Variants in TMTC2 observed in about 807,000 individuals in gnomAD.
TMTC2 encodes protein O-mannosyl-transferase TMTC2.
In TMTC2, 43 loss-of-function variants were observed where a neutral mutation model predicts 82.4. The observed-to-expected ratio is 0.52, with a 90% CI of 0.41 to 0.67. The LOEUF (loss-of-function observed/expected upper bound fraction) is 0.67. Among genes scored for constraint, TMTC2 ranks in the 30% least tolerant of loss-of-function variants. The pLI is 0.00. For missense variants in TMTC2, 919 were observed against 1,012.4 expected, an observed-to-expected ratio of 0.91 and a Z score of 1.25; for synonymous variants, 408 against 381.9, an observed-to-expected ratio of 1.07 and a Z score of -0.80.
At position 82,818,780 on chromosome 12, in the gene TMTC2, G is replaced by A. The variant is rs549684916; in HGVS notation, c.84-38230G>A. On this transcript the variant is annotated intron_variant, in intron 1 of 11. Transcript: ENST00000321196. The stretch of plus-strand genomic sequence containing the variant: ...TTTATGTTGACATGGGGCTTGTTCT[G>A]GAAACAGATCTGTTTTGAACCTTAT... 8.5e-5 allele frequency among the ~76,000 whole-genome samples: 13 copies of A among 152,102 alleles called. No individual in the cohort carries two copies. The East Asian group carries it at 2.5e-3, about 29-fold the overall frequency.
intron 4 of TMTC2, among the ~76,000 whole-genome samples, chr12:82,930,854 G>A (rs1875990194): frequency 6.6e-6 from 1 of 152,050 alleles, no homozygotes; most frequent in Non-Finnish European, 1.5e-5. Context: ...ACTTAGATGA[G>A]TTCATAAAAT....
chr12:82,732,348 GT>G (rs910227504), intron 1 of TMTC2, among the ~76,000 whole-genome samples: 14 of 147,656 alleles, frequency 9.5e-5, no homozygotes, highest in East Asian at 2.0e-4. Flanking sequence ...TTCTCATCAT[GT>G]TTTTTTTTTA....
chr12:82,805,009 C>A (rs1879177261), intron 1 of TMTC2, among the ~76,000 whole-genome samples: 1 of 152,086 alleles, frequency 6.6e-6, no homozygotes, highest in Non-Finnish European at 1.5e-5. Flanking sequence ...TGAGAGTACA[C>A]CAAACAAAGG....
chr12:82,894,119 C>T (rs536803053), intron 2 of TMTC2, among the ~76,000 whole-genome samples: 111 of 152,162 alleles, frequency 7.3e-4, no homozygotes, highest in African/African-American at 2.5e-3. Context: ...GTTTTATTTC[C>T]GTTGGGGAAG....
intron 9 of TMTC2, among the ~76,000 whole-genome samples, chr12:83,045,739 A>G (rs998648594): frequency 2.0e-5 from 3 of 151,318 alleles, no homozygotes; most frequent in Admixed American, 1.3e-4. Context: ...ACACACACAC[A>G]CACACACACA....
chr12:82,928,343 G>A (rs34347089), intron 3 of TMTC2, among the ~76,000 whole-genome samples: 8,371 of 152,092 alleles, frequency 0.055, 321 homozygotes, highest in Non-Finnish European at 0.082. Context: ...TAAAAATTGC[G>A]TAATTATTAG....
intron 1 of TMTC2, among the ~76,000 whole-genome samples, chr12:82,702,423 T>G (rs1873130314): frequency 6.6e-6 from 1 of 152,190 alleles, no homozygotes; most frequent in African/African-American, 2.4e-5. Flanking sequence ...TTTAGACTGT[T>G]CAGGTGAAAA....
intron 2 of TMTC2, among the ~76,000 whole-genome samples, chr12:82,868,722 A>G (rs937086507): frequency 6.6e-6 from 1 of 150,824 alleles, no homozygotes; most frequent in Admixed American, 6.6e-5. Context: ...TTTGAAAAAA[A>G]AAGGGAGGCA....
intron 11 of TMTC2, among the ~76,000 whole-genome samples, chr12:83,113,197 A>G (rs1043939519): frequency 6.6e-6 from 1 of 152,152 alleles, no homozygotes; most frequent in Non-Finnish European, 1.5e-5. Context: ...GAGGGGAGAC[A>G]GGAAGGTAAG....
intron 3 of TMTC2, among the ~76,000 whole-genome samples, chr12:82,927,853 T>C (rs1401678204): frequency 2.0e-5 from 3 of 152,232 alleles, no homozygotes; most frequent in South Asian, 2.1e-4. Context: ...AGGTATACCA[T>C]TATTTTTTAG....
intron 3 of TMTC2, among the ~76,000 whole-genome samples, chr12:82,914,019 A>G (rs1330727801): frequency 6.6e-6 from 1 of 152,156 alleles, no homozygotes; most frequent in Admixed American, 6.5e-5. Flanking sequence ...GTTCAAACCT[A>G]TGTTGTTCAA....
chr12:82,909,587 G>A (rs564909722), intron 3 of TMTC2, among the ~76,000 whole-genome samples: 3 of 152,046 alleles, frequency 2.0e-5, no homozygotes, highest in South Asian at 4.2e-4. Flanking sequence ...TGATCCACCC[G>A]CCTCAGCCTC....
intron 1 of TMTC2, among the ~76,000 whole-genome samples, chr12:82,766,619 TC>T (rs1405350983): frequency 5.3e-5 from 8 of 152,186 alleles, no homozygotes; most frequent in Non-Finnish European, 1.0e-4. Context: ...TTATTCTAGA[TC>T]AAGTCCGACG....
At chr12:82,846,714 G>A (rs940281219) in intron 1 of TMTC2, among the ~76,000 whole-genome samples, 2 of 152,058 alleles carry the variant, frequency 1.3e-5, no homozygotes, top group Admixed American at 6.5e-5. Flanking sequence ...ATTCGGGGTC[G>A]CTGACCATTG....
chr12:82,972,038 C>T (rs1878471843), intron 7 of TMTC2, among the ~76,000 whole-genome samples: 1 of 152,108 alleles, frequency 6.6e-6, no homozygotes, highest in Non-Finnish European at 1.5e-5. Flanking sequence ...ATAGGCTATG[C>T]TATGCTGACT....
chr12:82,796,606 A>G (rs1279403964), intron 1 of TMTC2, among the ~76,000 whole-genome samples: 1 of 152,152 alleles, frequency 6.6e-6, no homozygotes, highest in Non-Finnish European at 1.5e-5. Flanking sequence ...AGCTTAGGGG[A>G]AAAGTATATA....
chr12:82,960,013 A>G (rs1292424360), intron 4 of TMTC2, among the ~76,000 whole-genome samples: 2 of 152,054 alleles, frequency 1.3e-5, no homozygotes, highest in South Asian at 4.1e-4. Flanking sequence ...AAAAAGAAAG[A>G]TATGAGCAGA....
intron 3 of TMTC2, among the ~76,000 whole-genome samples, chr12:82,911,710 G>A (rs973387267): frequency 2.0e-5 from 3 of 151,652 alleles, no homozygotes; most frequent in Admixed American, 6.6e-5. Flanking sequence ...CAAGTGATTC[G>A]TGTGCCTCAG....
intron 1 of TMTC2, among the ~76,000 whole-genome samples, chr12:82,728,413 G>T (rs1347898873): frequency 6.6e-6 from 1 of 151,818 alleles, no homozygotes; most frequent in Non-Finnish European, 1.5e-5. Flanking sequence ...GTACCTGAAG[G>T]CTTTTAATGG....
Sources: allele counts gnomAD v4.1 joint callset (sites outside exome capture counted in the v4.1 genomes callset), GRCh38; gene constraint gnomAD v4.1.1; transcripts MANE v1.5; gene names NCBI Gene and HGNC (gene_info 2026-07-23, HGNC 2026-07-21).